Variants in CCDC73 observed in about 807,000 individuals in gnomAD.
CCDC73 encodes the protein coiled-coil domain-containing protein 73.
In CCDC73, 95 loss-of-function variants were observed where a neutral mutation model predicts 116.5. The ratio of observed to expected loss-of-function variants is 0.82; its 90% confidence interval spans 0.69 to 0.97. CCDC73 has a LOEUF of 0.97. CCDC73 is among the 50% of genes least tolerant of loss of function. The pLI, the probability that CCDC73 is intolerant of heterozygous loss-of-function variation, is 0.00. For synonymous variants in CCDC73, 398 were observed against 401.3 expected (o/e 0.99, Z 0.10); for missense variants, 1,066 against 1,206.8 (o/e 0.88, Z 1.73).
At chr11:32,818,693 C>T in the CCDC73 span, among the ~76,000 whole-genome samples, 1 of 151,948 alleles carries the variant, frequency 6.6e-6, no homozygotes, top group Non-Finnish European at 1.5e-5. Flanking sequence ...AACAAAACGC[C>T]GTATATCCAC....
chr11:32,794,388 T>A (rs2419767), intron 1 of CCDC73: 112,448 of 152,174 alleles, frequency 0.74, 41,647 homozygotes, highest in East Asian at 0.94. Context: ...TCCAGATGGA[T>A]GCCTCAGTGT....
In CCDC73 at chr11:32,613,788, C is replaced by T. The variant is rs368700898; in HGVS notation, c.2530G>A (p.Glu844Lys). 6.2e-7 allele frequency: 1 copy of T among 1,613,750 alleles called. No individual in the cohort carries two copies. Among genetic ancestry groups the T allele is most frequent in the Admixed American group, 1.7e-5 (1 of 60,004 alleles). The stretch of plus-strand genomic sequence containing the variant: ...ATGTCATTTAATGATTCTGTTTTCT[C>T]TGTATTATTTAACAATGTATGCTGT... ...ERQHTLLNNT[E>K]KTESLNDIVS... Residue 844 changes from glutamate to lysine, a missense_variant, in exon 16 of 18, where the codon GAG becomes AAG. Transcript: ENST00000335185.
At chr11:32,741,472 C>T (rs1019863995) in intron 2 of CCDC73, among the ~76,000 whole-genome samples, 2 of 152,024 alleles carry the variant, frequency 1.3e-5, no homozygotes, top group African/African-American at 2.4e-5. Context: ...AAAACAAAAA[C>T]TATTTTGTCT....
At chr11:32,801,775 T>C in the CCDC73 span, among the ~76,000 whole-genome samples, 1 of 152,202 alleles carries the variant, frequency 6.6e-6, no homozygotes, top group Non-Finnish European at 1.5e-5. Flanking sequence ...TCAAGTTTAA[T>C]GTATCTATGA....
rs183613255 is a variant in CCDC73, at chr11:32,699,582, G to A, written c.316-257C>T. Among the ~76,000 whole-genome samples the A allele has an allele frequency of 3.3e-5, 5 of 152,170 alleles. No individual in the cohort carries two copies. In the East Asian group the frequency reaches 9.6e-4, roughly 29 times the overall value. ...AAGGATGAGTTCATGTCCTTTGTAG[G>A]GACATGGATGAAGCTGGAAACCATC... is the stretch of plus-strand genomic sequence containing the variant. On this transcript the variant is annotated intron_variant, in intron 5 of 17. Transcript: ENST00000335185.
chr11:32,654,531 T>A (rs409003), intron 10 of CCDC73, among the ~76,000 whole-genome samples: 110,894 of 152,070 alleles, frequency 0.73, 41,314 homozygotes, highest in African/African-American at 0.78. Context: ...TGAAGAAGAT[T>A]TTATATACCA....
intron 1 of CCDC73, among the ~76,000 whole-genome samples, chr11:32,793,367 A>G (rs954458997): frequency 2.6e-5 from 4 of 152,112 alleles, no homozygotes; most frequent in African/African-American, 9.7e-5. Flanking sequence ...TTCAGTATAG[A>G]TTTTTTCTTC....
chr11:32,654,136 CTACCCCCAGAG>C (rs1335554755), intron 10 of CCDC73, 99 bp from the exon 11 acceptor site: 28 of 1,070,568 alleles, frequency 2.6e-5, no homozygotes, highest in Non-Finnish European at 3.5e-5. Flanking sequence ...TGACCTATTC[CTACCCCCAGAG>C]TACCCACATT....
the CCDC73 span, among the ~76,000 whole-genome samples, chr11:32,824,218 T>C: frequency 2.6e-5 from 4 of 152,162 alleles, 1 homozygote; most frequent in East Asian, 7.7e-4. Context: ...TTGTATCTTT[T>C]GTCACATAGA....
At chr11:32,736,186 T>G (rs1261382591) in intron 2 of CCDC73, among the ~76,000 whole-genome samples, 2 of 152,116 alleles carry the variant, frequency 1.3e-5, no homozygotes, top group African/African-American at 2.4e-5. Context: ...AAAGAGTTTC[T>G]GCACAGCAAA....
intron 11 of CCDC73, 100 bp downstream of exon 11, chr11:32,653,878 T>G: frequency 7.7e-7 from 1 of 1,291,736 alleles, no homozygotes; most frequent in Middle Eastern, 1.9e-4. Flanking sequence ...ACACATTAAC[T>G]GAGTGCCTAC....
intron 7 of CCDC73, 135 bp from the exon 8 acceptor site, chr11:32,676,156 T>C: frequency 1.7e-6 from 1 of 589,832 alleles, no homozygotes; most frequent in South Asian, 5.3e-5. Context: ...TTAAAAGTAC[T>C]CTCTGAGTAA....
At chr11:32,718,005 G>T (rs1343284609) in intron 3 of CCDC73, 71 bp downstream of exon 3, 9 of 1,047,640 alleles carry the variant, frequency 8.6e-6, no homozygotes, top group Non-Finnish European at 1.3e-5. Flanking sequence ...CCCTTGACAC[G>T]TGGGGGTTAC....
chr11:32,721,689 G>A (rs1459851919), intron 2 of CCDC73, among the ~76,000 whole-genome samples: 1 of 148,906 alleles, frequency 6.7e-6, no homozygotes, highest in Admixed American at 6.7e-5. Flanking sequence ...TGCCTCCTGG[G>A]TTCACACCAT....
intron 9 of CCDC73, among the ~76,000 whole-genome samples, chr11:32,672,825 C>G (rs1156304839): frequency 6.6e-6 from 1 of 152,052 alleles, no homozygotes; most frequent in Non-Finnish European, 1.5e-5. Context: ...TTTTAAGGGC[C>G]AGAAACATGA....
chr11:32,825,295 C>CTTTTT, the CCDC73 span, among the ~76,000 whole-genome samples: 4 of 64,454 alleles, frequency 6.2e-5, no homozygotes, highest in Non-Finnish European at 8.1e-5. Context: ...CTGATGCAGA[C>CTTTTT]TTTTTTTTTT....
chr11:32,715,371 T>C (rs1159907535), intron 3 of CCDC73, among the ~76,000 whole-genome samples: 2 of 152,164 alleles, frequency 1.3e-5, no homozygotes, highest in East Asian at 1.9e-4. Context: ...AACTTTTCTT[T>C]AGTGTTTTTC....
At chr11:32,797,489 C>A (rs1258141899), upstream of CCDC73, among the ~76,000 whole-genome samples, 1 of 152,162 alleles carries the variant, frequency 6.6e-6, no homozygotes, top group Non-Finnish European at 1.5e-5. Context: ...CTTTAAATTC[C>A]AGTTCACAGG....
chr11:32,700,958 C>A, intron 4 of CCDC73, 132 bp from the exon 5 acceptor site: 1 of 385,364 alleles, frequency 2.6e-6, no homozygotes, highest in Non-Finnish European at 4.8e-6. Flanking sequence ...ATGTTATTTT[C>A]AGATTCAGAA....
Sources: allele counts gnomAD v4.1 joint callset (sites outside exome capture counted in the v4.1 genomes callset), GRCh38; gene constraint gnomAD v4.1.1; transcripts MANE v1.5; gene names NCBI Gene and HGNC (gene_info 2026-07-23, HGNC 2026-07-21).